TAFA1: variants seen among roughly 807,000 people sequenced by gnomAD.
TAFA1 encodes the protein TAFA chemokine like family member 1.
In TAFA1, 4 loss-of-function variants were observed where a neutral mutation model predicts 18.5. That is an observed-to-expected ratio of 0.22 (90% CI 0.11 to 0.49). The LOEUF (loss-of-function observed/expected upper bound fraction) is 0.49. Ranked by LOEUF, TAFA1 falls within the 20% of genes least tolerant of loss-of-function variation. TAFA1 has a pLI of 0.98. For synonymous variants in TAFA1, 56 were observed against 55.2 expected (o/e 1.01, Z -0.06); for missense variants, 147 against 169.0 (o/e 0.87, Z 0.72).
intron 3 of TAFA1, among the ~76,000 whole-genome samples, chr3:68,507,875 G>A (rs187398226): frequency 6.6e-6 from 1 of 152,254 alleles, no homozygotes; most frequent in African/African-American, 2.4e-5. Flanking sequence ...CAAGAAACAT[G>A]ATGTCATGTT....
chr3:68,349,991 C>T (rs966555291), intron 2 of TAFA1, among the ~76,000 whole-genome samples: 4 of 152,102 alleles, frequency 2.6e-5, no homozygotes, highest in South Asian at 4.1e-4. Context: ...TTACTTCAGT[C>T]GTTAGCAGTA....
chr3:68,491,300 C>T (rs1477197019), intron 3 of TAFA1, among the ~76,000 whole-genome samples: 2 of 152,032 alleles, frequency 1.3e-5, no homozygotes, highest in African/African-American at 4.8e-5. Context: ...AAATGTCCAA[C>T]AATGATAGAC....
intron 2 of TAFA1, among the ~76,000 whole-genome samples, chr3:68,385,356 T>C (rs184127643): frequency 6.6e-6 from 1 of 152,242 alleles, no homozygotes; most frequent in African/African-American, 2.4e-5. Flanking sequence ...ACTAAAGTAC[T>C]TGCTAAACCA....
At chr3:68,382,224 A>G (rs1240026714) in intron 2 of TAFA1, among the ~76,000 whole-genome samples, 1 of 152,160 alleles carries the variant, frequency 6.6e-6, no homozygotes. Flanking sequence ...CATCAAGGAT[A>G]TTAGTCTAAA....
At chr3:68,406,369 C>T (rs1238404086) in intron 2 of TAFA1, among the ~76,000 whole-genome samples, 1 of 152,076 alleles carries the variant, frequency 6.6e-6, no homozygotes, top group Non-Finnish European at 1.5e-5. Flanking sequence ...AAGGGAGATC[C>T]AAAGGGGATT....
At chr3:68,270,930 G>A (rs945288997) in intron 2 of TAFA1, among the ~76,000 whole-genome samples, 7 of 152,108 alleles carry the variant, frequency 4.6e-5, no homozygotes, top group African/African-American at 1.2e-4. Flanking sequence ...TTCCATTGAA[G>A]ACTTCTTAAA....
At chr3:68,442,740 C>T (rs570745307) in intron 3 of TAFA1, among the ~76,000 whole-genome samples, 1 of 152,266 alleles carries the variant, frequency 6.6e-6, no homozygotes, top group African/African-American at 2.4e-5. Flanking sequence ...TAGCCATCAG[C>T]ACTCAACTAG....
intron 2 of TAFA1, among the ~76,000 whole-genome samples, chr3:68,117,578 C>G (rs1231166541): frequency 6.6e-6 from 1 of 152,156 alleles, no homozygotes; most frequent in East Asian, 1.9e-4. Flanking sequence ...TAACCTTGGG[C>G]AGTGGGCTAC....
At chr3:68,156,733 TTAATAA>T (rs142319296) in intron 2 of TAFA1, among the ~76,000 whole-genome samples, 1,871 of 151,558 alleles carry the variant, frequency 0.012, 37 homozygotes, top group African/African-American at 0.041. Flanking sequence ...CTTTATAATA[TTAATAA>T]TAACTATAAT....
At chr3:68,317,664 A>G (rs1249587325) in intron 2 of TAFA1, among the ~76,000 whole-genome samples, 3 of 152,202 alleles carry the variant, frequency 2.0e-5, no homozygotes, top group Admixed American at 6.5e-5. Context: ...ATTATTGATT[A>G]CAGGACCAGC....
At chr3:68,507,567 G>A (rs551990090) in intron 3 of TAFA1, among the ~76,000 whole-genome samples, 77 of 152,120 alleles carry the variant, frequency 5.1e-4, no homozygotes, top group African/African-American at 1.8e-3. Flanking sequence ...AACAGGTATT[G>A]TTCTATTAAA....
chr3:68,006,513 G>T, intron 1 of TAFA1, 111 bp from the exon 2 acceptor site: 1 of 737,674 alleles, frequency 1.4e-6, no homozygotes, highest in Non-Finnish European at 2.5e-6. Context: ...TCTAGCCAGA[G>T]AAGTAGCAAA....
In TAFA1 at chr3:68,316,863, G is replaced by C. The variant is rs531653594; in HGVS notation, c.119-100417G>C. Among the ~76,000 whole-genome samples the C allele has an allele frequency of 3.3e-5, 5 of 152,270 alleles. No individual in the cohort carries two copies. In the South Asian group the frequency reaches 8.3e-4, roughly 25 times the overall value. ...TACTTTTCTAATATATGAAGAAAAA[G>C]TAGAGACAGCATAATGAATAAATAT... On this transcript the variant is annotated intron_variant, in intron 2 of 4. Coordinates refer to ENST00000478136, the MANE Select transcript of TAFA1 (RefSeq NM_213609.4).
At chr3:68,344,041 C>G (rs1414427746) in intron 2 of TAFA1, among the ~76,000 whole-genome samples, 1 of 152,146 alleles carries the variant, frequency 6.6e-6, no homozygotes, top group Non-Finnish European at 1.5e-5. Context: ...CAGGGTTTCT[C>G]CATGTTGATC....
chr3:68,486,062 T>C (rs756698946), intron 3 of TAFA1, among the ~76,000 whole-genome samples: 37 of 141,798 alleles, frequency 2.6e-4, no homozygotes, highest in Non-Finnish European at 4.6e-4. Context: ...CATTCCTGGC[T>C]AAATTTTTAT....
intron 2 of TAFA1, among the ~76,000 whole-genome samples, chr3:68,210,207 T>C (rs983174785): frequency 6.6e-6 from 1 of 152,060 alleles, no homozygotes; most frequent in Admixed American, 6.6e-5. Flanking sequence ...AAATGAAATC[T>C]AACTTATAAG....
chr3:68,020,642 A>C (rs1427977980), intron 2 of TAFA1, among the ~76,000 whole-genome samples: 2 of 152,148 alleles, frequency 1.3e-5, no homozygotes, highest in Non-Finnish European at 2.9e-5. Flanking sequence ...ATATGAAAAG[A>C]TGCACATAGA....
intron 2 of TAFA1, among the ~76,000 whole-genome samples, chr3:68,056,162 A>G (rs1008629787): frequency 3.9e-5 from 6 of 152,172 alleles, no homozygotes; most frequent in Non-Finnish European, 7.4e-5. Flanking sequence ...TAAGAGTCTC[A>G]GCAGTTATGA....
At chr3:68,086,963 C>G (rs2064977772) in intron 2 of TAFA1, among the ~76,000 whole-genome samples, 1 of 152,160 alleles carries the variant, frequency 6.6e-6, no homozygotes, top group Non-Finnish European at 1.5e-5. Flanking sequence ...AAAGGGTCTT[C>G]AACAAGACAC....
Sources: gnomAD v4.1 joint callset for allele counts (sites outside exome capture counted in the v4.1 genomes callset) on GRCh38, gnomAD v4.1.1 for gene constraint, MANE v1.5 for transcripts, NCBI Gene and HGNC (gene_info 2026-07-23, HGNC 2026-07-21) for gene names.